The following GRIN2B variants were observed in gnomAD, a reference collection of about 807,000 sequenced individuals.
The protein encoded by GRIN2B is glutamate ionotropic receptor NMDA type subunit 2B, also known as glutamate receptor ionotropic, NMDA 2B.
Under a neutral mutation model 114.5 loss-of-function variants are expected in GRIN2B, and 5 were observed. That is an observed-to-expected ratio of 0.04 (90% confidence interval 0.02 to 0.09). The LOEUF is 0.09. Among genes scored for constraint, GRIN2B ranks in the 10% least tolerant of loss-of-function variants. The pLI, the probability that GRIN2B is intolerant of heterozygous loss-of-function variation, is 1.00. For missense variants in GRIN2B, 1,108 were observed against 1,943.5 expected (o/e 0.57, Z 8.08); for synonymous variants, 787 against 745.1 (o/e 1.06, Z -0.92).
rs1948396996 is a variant in GRIN2B at position 13,550,535 on chromosome 12, C to T, written c.*12248G>A. The T allele has an allele frequency of 6.6e-6, 1 of 152,176 alleles. No individual in the cohort carries two copies. Among genetic ancestry groups the T allele is most frequent in the Admixed American group, 6.5e-5 (1 of 15,276 alleles). The allele number at this position is 152,176 out of a possible 1,614,324, so 9.4% of individuals were successfully genotyped here. A position where few individuals can be genotyped will look rare whatever the true frequency, so the allele number is the denominator to read the frequency against. ...TCTAAGCAACAGGACTGTCTGTTCTCAGTAGAATGACTTCTGCTTCTCCAT... is the reference window on the plus strand; with the variant it reads ...TCTAAGCAACAGGACTGTCTGTTCTTAGTAGAATGACTTCTGCTTCTCCAT... On this transcript the variant is annotated 3_prime_UTR_variant, in exon 14 of 14. Coordinates refer to ENST00000609686, the MANE Select transcript of GRIN2B (RefSeq NM_000834.5).
rs12316188 is a variant in GRIN2B, at chr12:13,618,448, C to T, written c.1126-1791G>A. Among the ~76,000 whole-genome samples the T allele has an allele frequency of 5.8e-3, 889 of 152,142 alleles. 8 individuals carry two copies. Among genetic ancestry groups the T allele is most frequent in the African/African-American group, 0.02 (845 of 41,502 alleles). On this transcript the variant is annotated intron_variant, in intron 5 of 13. Transcript: ENST00000609686. ...CCTTTTGATTTTTTTTCTCTTAAAT[C>T]CAAATTTATTCTTTTCCATCTTTAT...
chr12:13,666,469 CT>C (rs1204779504), intron 5 of GRIN2B, among the ~76,000 whole-genome samples: 1 of 152,124 alleles, frequency 6.6e-6, no homozygotes, highest in African/African-American at 2.4e-5. Flanking sequence ...AGAAATAACC[CT>C]AACAGAGAAA....
chr12:13,907,031 G>A (rs576981568), intron 2 of GRIN2B, among the ~76,000 whole-genome samples: 1 of 152,160 alleles, frequency 6.6e-6, no homozygotes, highest in East Asian at 1.9e-4. Flanking sequence ...CAAATGATAT[G>A]GACATGAAGC....
At chr12:13,796,697 A>G (rs957025656) in intron 3 of GRIN2B, among the ~76,000 whole-genome samples, 2 of 152,332 alleles carry the variant, frequency 1.3e-5, no homozygotes, top group East Asian at 1.9e-4. Flanking sequence ...CTCTCCATCC[A>G]TCACTCTAAC....
rs1408156356 is a variant in GRIN2B at position 13,563,901 on chromosome 12, G to A, written c.3337C>T (p.Pro1113Ser). ...DEIELAYRRR[P>S]PRSPDHKRYF... ...CGCTTGTGGTCAGGGGAGCGGGGCGGTCGGCGACGGTAGGCCAGCTCGATC... is the reference window on the plus strand; with the variant it reads ...CGCTTGTGGTCAGGGGAGCGGGGCGATCGGCGACGGTAGGCCAGCTCGATC... Residue 1113 changes from proline to serine, a missense_variant, in exon 14 of 14, where the codon CCG (proline) becomes TCG (serine). Coordinates refer to ENST00000609686, the MANE Select transcript of GRIN2B (RefSeq NM_000834.5). The A allele has an allele frequency of 6.2e-7, 1 of 1,614,156 alleles. No individual in the cohort carries two copies. The highest frequency in any genetic ancestry group is 1.1e-5 in the South Asian group (1 of 91,088).
intron 5 of GRIN2B, among the ~76,000 whole-genome samples, chr12:13,623,643 C>T (rs1591647348): frequency 6.6e-6 from 1 of 152,134 alleles, no homozygotes; most frequent in East Asian, 1.9e-4. Flanking sequence ...GTTTGTCTTT[C>T]TTATCCATTC....
intron 3 of GRIN2B, among the ~76,000 whole-genome samples, chr12:13,772,059 C>T (rs1266340318): frequency 6.6e-6 from 1 of 152,228 alleles, no homozygotes; most frequent in Non-Finnish European, 1.5e-5. Flanking sequence ...TTGCCTCTTT[C>T]CTGCTTCTTA....
chr12:13,692,628 A>G (rs537987201), intron 4 of GRIN2B, among the ~76,000 whole-genome samples: 1 of 151,898 alleles, frequency 6.6e-6, no homozygotes, highest in South Asian at 2.1e-4. Flanking sequence ...GTGCCCTGTG[A>G]TGGGATGCCA....
intron 3 of GRIN2B, among the ~76,000 whole-genome samples, chr12:13,797,396 C>G (rs1265550211): frequency 6.6e-6 from 1 of 152,130 alleles, no homozygotes; most frequent in Non-Finnish European, 1.5e-5. Context: ...CAGACAATAG[C>G]AAATACTATA....
At chr12:13,938,019 A>G (rs1443694188) in intron 2 of GRIN2B, among the ~76,000 whole-genome samples, 1 of 152,150 alleles carries the variant, frequency 6.6e-6, no homozygotes, top group African/African-American at 2.4e-5. Context: ...ATAATTAAGA[A>G]TGCATTTTTT....
chr12:13,791,757 G>A (rs1190126114), intron 3 of GRIN2B, among the ~76,000 whole-genome samples: 1 of 152,002 alleles, frequency 6.6e-6, no homozygotes, highest in African/African-American at 2.4e-5. Flanking sequence ...ATGAAATCAA[G>A]GTAATTAGTG....
rs115140153 is a variant in GRIN2B, at chr12:13,608,578, G to A, written c.2010+25C>T. On this transcript the variant is annotated intron_variant, in intron 10 of 13. Transcript: ENST00000609686. ...CTGAGAACAGGATTGAGGGAAAGAC[G>A]GGAGATTTCAAATGAGTCTCTTACC... is the stretch of plus-strand genomic sequence containing the variant. 1.6e-3 allele frequency: 2,397 copies of A among 1,504,654 alleles called. 29 individuals are homozygous for A. In the African/African-American group the frequency reaches 0.027, roughly 17 times the overall value. 93.2% of individuals were successfully genotyped at this position (1,504,654 alleles called of 1,614,324 possible).
chr12:13,874,925 G>A (rs1226755523), intron 2 of GRIN2B, among the ~76,000 whole-genome samples: 1 of 152,176 alleles, frequency 6.6e-6, no homozygotes, highest in Non-Finnish European at 1.5e-5. Context: ...CTGAGCTACA[G>A]ATGAACAGCC....
At chr12:13,811,198 C>T (rs1177867384) in intron 3 of GRIN2B, among the ~76,000 whole-genome samples, 3 of 152,322 alleles carry the variant, frequency 2.0e-5, no homozygotes, top group African/African-American at 4.8e-5. Context: ...AAACCAAACA[C>T]TCTCTCCTCC....
intron 3 of GRIN2B, among the ~76,000 whole-genome samples, chr12:13,787,338 G>A (rs1285185030): frequency 6.6e-6 from 1 of 152,222 alleles, no homozygotes; most frequent in Non-Finnish European, 1.5e-5. Context: ...CTAGGAGACA[G>A]AAAGGAAATG....
At chr12:13,808,100 A>G (rs1304293537) in intron 3 of GRIN2B, among the ~76,000 whole-genome samples, 1 of 152,088 alleles carries the variant, frequency 6.6e-6, no homozygotes, top group Admixed American at 6.6e-5. Context: ...TAGTGTCTAG[A>G]CTGAGAAAGC....
intron 3 of GRIN2B, among the ~76,000 whole-genome samples, chr12:13,850,063 AG>A (rs1418296740): frequency 2.6e-5 from 4 of 152,142 alleles, no homozygotes; most frequent in African/African-American, 9.7e-5. Context: ...GAGGGTGCTG[AG>A]GGGGACAATG....
intron 3 of GRIN2B, among the ~76,000 whole-genome samples, chr12:13,849,489 T>C (rs902607319): frequency 6.6e-6 from 1 of 151,992 alleles, no homozygotes; most frequent in Non-Finnish European, 1.5e-5. Context: ...TTATTTCCTG[T>C]TTTCAGTATC....
chr12:13,688,577 T>C (rs570122802), intron 4 of GRIN2B, among the ~76,000 whole-genome samples: 1 of 152,308 alleles, frequency 6.6e-6, no homozygotes, highest in Non-Finnish European at 1.5e-5. Flanking sequence ...CACACAGCAG[T>C]AAGCTTGACT....
Sources: allele counts gnomAD v4.1 joint callset (sites outside exome capture counted in the v4.1 genomes callset), GRCh38; gene constraint gnomAD v4.1.1; transcripts MANE v1.5; gene names NCBI Gene and HGNC (gene_info 2026-07-23, HGNC 2026-07-21).